SMIM35: variants seen among roughly 807,000 people sequenced by gnomAD.
The protein encoded by SMIM35 is small integral membrane protein 35.
At chr11:118,044,772 CA>C (rs35072099) in intron 1 of SMIM35, among the ~76,000 whole-genome samples, 22 of 94,722 alleles carry the variant, frequency 2.3e-4, no homozygotes, top group African/African-American at 4.8e-4. Flanking sequence ...ACTCCATCTC[CA>C]AAAAAAAAAA....
At chr11:118,070,961 G>C (rs1298628064) in intron 1 of SMIM35, among the ~76,000 whole-genome samples, 1 of 152,208 alleles carries the variant, frequency 6.6e-6, no homozygotes, top group African/African-American at 2.4e-5. Flanking sequence ...CCCTGCCTGA[G>C]CCTCAGTTTA....
intron 1 of SMIM35, among the ~76,000 whole-genome samples, chr11:118,074,044 T>G (rs896979047): frequency 6.6e-6 from 1 of 152,230 alleles, no homozygotes; most frequent in Non-Finnish European, 1.5e-5. Context: ...AGGAAGGCTC[T>G]GGCCTTCACT....
intron 1 of SMIM35, among the ~76,000 whole-genome samples, chr11:118,046,166 G>C (rs1285384078): frequency 5.3e-5 from 8 of 152,036 alleles, no homozygotes; most frequent in Admixed American, 5.2e-4. Context: ...TAGGCACCAA[G>C]TACCCATAGA....
At chr11:118,080,864 T>C (rs1283648073) in intron 1 of SMIM35, among the ~76,000 whole-genome samples, 1 of 152,220 alleles carries the variant, frequency 6.6e-6, no homozygotes. Context: ...TCAGTCTTCC[T>C]TCCTGCTCAG....
At chr11:118,011,282 C>T (rs763063417) in intron 4 of SMIM35, among the ~76,000 whole-genome samples, 7 of 152,244 alleles carry the variant, frequency 4.6e-5, no homozygotes, top group African/African-American at 1.2e-4. Flanking sequence ...GGGTCCCATC[C>T]TCCCTTTCAA....
intron 4 of SMIM35, among the ~76,000 whole-genome samples, chr11:118,007,799 G>A (rs1407393838): frequency 2.6e-5 from 4 of 151,882 alleles, no homozygotes; most frequent in Non-Finnish European, 5.9e-5. Context: ...CAACCCAATA[G>A]CTCTGCAGAT....
intron 1 of SMIM35, chr11:118,077,015 A>C: frequency 2.3e-6 from 1 of 434,664 alleles, no homozygotes; most frequent in Non-Finnish European, 4.1e-6. Context: ...ACACATAATC[A>C]TTCCAGTTTG....
At chr11:118,026,085 C>T (rs1229688863) in intron 1 of SMIM35, among the ~76,000 whole-genome samples, 1 of 152,168 alleles carries the variant, frequency 6.6e-6, no homozygotes, top group African/African-American at 2.4e-5. Flanking sequence ...TAGCCTTTGT[C>T]AAAGATCCAA....
rs1306615291 is a variant in SMIM35, at chr11:118,083,063, G to A, written c.7+3688C>T. Among the ~76,000 whole-genome samples, 6 of 151,916 alleles carry A rather than the reference G, an allele frequency of 3.9e-5. No individual in the cohort carries two copies. The East Asian group carries it at 9.7e-4, about 25-fold the overall frequency. On this transcript the variant is annotated intron_variant, in intron 1 of 4. Transcript: ENST00000689828. ...GCCCTGCCTCCCTCTCCTCTGCTGC[G>A]CCGCTGCGGGGCTCGGTCGAATCCC...
At chr11:118,079,279 A>C (rs1944944308) in intron 1 of SMIM35, among the ~76,000 whole-genome samples, 1 of 151,944 alleles carries the variant, frequency 6.6e-6, no homozygotes, top group Admixed American at 6.6e-5. Flanking sequence ...GGATCTCCAC[A>C]CCCAGGCTCA....
At position 118,029,064 on chromosome 11, in the gene SMIM35, C is replaced by A. The variant is rs190694825; in HGVS notation, c.8-13255G>T. On this transcript the variant is annotated intron_variant, in intron 1 of 4. Transcript: ENST00000689828. Reference sequence around the variant, plus strand: ...ATGTCAGACAAATAGAATGTCTGCACTGAGTCACTCAAATAAAGGACATGG... The same window carrying A: ...ATGTCAGACAAATAGAATGTCTGCAATGAGTCACTCAAATAAAGGACATGG... 81 of 313,484 alleles carry A rather than the reference C, an allele frequency of 2.6e-4. No individual in the cohort carries two copies. In the Admixed American group the frequency reaches 3.4e-3, roughly 13 times the overall value. The allele number at this position is 313,484 out of a possible 1,614,324, so 19.4% of individuals were successfully genotyped here.
chr11:118,033,413 C>T (rs1294132102), intron 1 of SMIM35, among the ~76,000 whole-genome samples: 1 of 152,178 alleles, frequency 6.6e-6, no homozygotes, highest in Non-Finnish European at 1.5e-5. Flanking sequence ...GACTTAGAGG[C>T]TTTCAACACA....
intron 1 of SMIM35, among the ~76,000 whole-genome samples, chr11:118,044,315 G>GGA (rs1944056504): frequency 7.4e-6 from 1 of 134,522 alleles, no homozygotes; most frequent in African/African-American, 2.8e-5. Flanking sequence ...TGGCAGAATT[G>GGA]AAAAAAAAAA....
At position 118,033,925 on chromosome 11, in the gene SMIM35, A is replaced by G. The variant is rs115176223; in HGVS notation, c.8-18116T>C. Among the ~76,000 whole-genome samples the G allele has an allele frequency of 9.7e-3, 1,485 of 152,310 alleles. 26 individuals are homozygous for G. The highest frequency in any genetic ancestry group is 0.033 in the African/African-American group (1,384 of 41,560). On this transcript the variant is annotated intron_variant, in intron 1 of 4. Transcript: ENST00000689828. ...TCTCCGAAACCCAGTTCATTTGTCT[A>G]TGAAATGGAAATAATAAAAGTACCC... is the stretch of plus-strand genomic sequence containing the variant.
chr11:118,007,186 C>T (rs1377462271), intron 4 of SMIM35, among the ~76,000 whole-genome samples: 2 of 151,138 alleles, frequency 1.3e-5, no homozygotes, highest in South Asian at 2.1e-4. Flanking sequence ...CCAAAGATGT[C>T]AGAGTAGCTG....
chr11:118,084,635 T>C (rs916967538), intron 1 of SMIM35, among the ~76,000 whole-genome samples: 3 of 152,196 alleles, frequency 2.0e-5, no homozygotes, highest in African/African-American at 7.2e-5. Flanking sequence ...TCCTTGAACA[T>C]GTGTGGAGTT....
intron 1 of SMIM35, among the ~76,000 whole-genome samples, chr11:118,022,125 C>T (rs1011529996): frequency 6.6e-6 from 1 of 151,238 alleles, no homozygotes; most frequent in African/African-American, 2.4e-5. Context: ...CAACAACCTC[C>T]ACCTCCCTGG....
At chr11:118,079,146 G>T (rs626252) in intron 1 of SMIM35, among the ~76,000 whole-genome samples, 1 of 152,090 alleles carries the variant, frequency 6.6e-6, no homozygotes, top group East Asian at 1.9e-4. Context: ...TCTCCACGGT[G>T]TGGTCAAGGA....
chr11:118,060,089 A>T (rs546247136), intron 1 of SMIM35, among the ~76,000 whole-genome samples: 10 of 152,146 alleles, frequency 6.6e-5, no homozygotes, highest in African/African-American at 1.9e-4. Flanking sequence ...GGAGGCAGCC[A>T]GGGCTGTGCC....
Sources: allele counts gnomAD v4.1 joint callset (sites outside exome capture counted in the v4.1 genomes callset), GRCh38; gene constraint gnomAD v4.1.1; transcripts MANE v1.5; gene names NCBI Gene and HGNC (gene_info 2026-07-23, HGNC 2026-07-21).